Variants in CADM1 observed in about 807,000 individuals in gnomAD.
CADM1 encodes the protein TSLC-1.
In CADM1, 15 loss-of-function variants were observed where a neutral mutation model predicts 53.1. That is an observed-to-expected ratio of 0.28 (90% confidence interval 0.19 to 0.44). CADM1 has a LOEUF of 0.44. Ranked by LOEUF, CADM1 falls within the 20% of genes least tolerant of loss-of-function variation. CADM1 has a pLI of 1.00. For synonymous variants in CADM1, 281 were observed against 243.0 expected, an observed-to-expected ratio of 1.16 and a Z score of -1.45; for missense variants, 434 against 611.3, an observed-to-expected ratio of 0.71 and a Z score of 3.06.
At chr11:115,400,661 GTATATATATATATATATATATA>G (rs372594262) in intron 1 of CADM1, among the ~76,000 whole-genome samples, 2,010 of 46,614 alleles carry the variant, frequency 0.043, 113 homozygotes, top group African/African-American at 0.14. Context: ...GTGTGTGTGT[GTATATATATATATATATATATA>G]TATATATATA....
intron 1 of CADM1, among the ~76,000 whole-genome samples, chr11:115,264,100 A>G (rs1306004985): frequency 1.3e-5 from 2 of 152,084 alleles, no homozygotes; most frequent in Non-Finnish European, 2.9e-5. Flanking sequence ...TTTAAATACT[A>G]CTCAATTAGG....
intron 1 of CADM1, among the ~76,000 whole-genome samples, chr11:115,365,751 T>C (rs1465086978): frequency 2.0e-5 from 3 of 152,056 alleles, no homozygotes; most frequent in Non-Finnish European, 2.9e-5. Flanking sequence ...AAAAAAAAAA[T>C]TCTTTGTTTA....
rs146997542 is a variant in CADM1, at chr11:115,333,244, C to T, written c.125-92824G>A. 4.6e-3 allele frequency among the ~76,000 whole-genome samples: 703 copies of T among 152,204 alleles called. 14 individuals are homozygous for T. The highest frequency in any genetic ancestry group is 0.011 in the South Asian group (52 of 4,818). On this transcript the variant is annotated intron_variant, in intron 1 of 11. Transcript: ENST00000331581. The stretch of plus-strand genomic sequence containing the variant: ...CCACCAGGGCAATCTCTCTAAAGGA[C>T]GATCTGATCAGATCACTTCCTCACT...
chr11:115,474,432 A>T (rs921635221), intron 1 of CADM1, among the ~76,000 whole-genome samples: 1 of 152,014 alleles, frequency 6.6e-6, no homozygotes, highest in Non-Finnish European at 1.5e-5. Context: ...ACAATAGCAA[A>T]GACTTGGAAC....
chr11:115,267,224 G>A (rs140838144), intron 1 of CADM1, among the ~76,000 whole-genome samples: 2 of 152,356 alleles, frequency 1.3e-5, no homozygotes, highest in East Asian at 3.9e-4. Flanking sequence ...GAGGGCAAAT[G>A]TAGGAGGTAC....
chr11:115,200,364 T>C (rs1233093797), intron 8 of CADM1, among the ~76,000 whole-genome samples: 2 of 152,242 alleles, frequency 1.3e-5, no homozygotes, highest in Non-Finnish European at 2.9e-5. Context: ...CAAATGCCCA[T>C]TTGTACAGAA....
intron 1 of CADM1, among the ~76,000 whole-genome samples, chr11:115,247,599 A>C (rs1942448017): frequency 6.6e-6 from 1 of 152,238 alleles, no homozygotes; most frequent in Non-Finnish European, 1.5e-5. Flanking sequence ...TGAAGGGAGA[A>C]TAGCCAAGAA....
At chr11:115,369,606 G>C (rs1946262315) in intron 1 of CADM1, among the ~76,000 whole-genome samples, 1 of 152,226 alleles carries the variant, frequency 6.6e-6, no homozygotes, top group East Asian at 1.9e-4. Context: ...ATAAAATTCT[G>C]AACAAATTTA....
chr11:115,403,400 A>G lies in CADM1; in HGVS notation c.124+100871T>C, dbSNP rs910312493. Reference sequence around the variant, plus strand: ...CAAAAGGTTGTTAGTGAGAACAACTAAGAAAATTTGAATAAAGTCTGGAGA... The same window carrying G: ...CAAAAGGTTGTTAGTGAGAACAACTGAGAAAATTTGAATAAAGTCTGGAGA... On this transcript the variant is annotated intron_variant, in intron 1 of 11. Transcript: ENST00000331581. 5.3e-5 allele frequency among the ~76,000 whole-genome samples: 8 copies of G among 152,228 alleles called. No individual in the cohort carries two copies. In the East Asian group the frequency reaches 1.5e-3, roughly 29 times the overall value.
chr11:115,442,972 A>G (rs1009476714), intron 1 of CADM1, among the ~76,000 whole-genome samples: 5 of 152,236 alleles, frequency 3.3e-5, no homozygotes, highest in Non-Finnish European at 2.9e-5. Context: ...CAGTTTTATA[A>G]GTAGATACAA....
intron 1 of CADM1, among the ~76,000 whole-genome samples, chr11:115,343,775 A>C (rs1275285894): frequency 6.6e-6 from 1 of 151,838 alleles, no homozygotes; most frequent in Non-Finnish European, 1.5e-5. Flanking sequence ...AATGAAAATC[A>C]CAAGACCTGA....
intron 1 of CADM1, among the ~76,000 whole-genome samples, chr11:115,416,709 A>ACG (rs1383600015): frequency 2.0e-5 from 3 of 150,636 alleles, no homozygotes; most frequent in African/African-American, 7.3e-5. Context: ...ACACACACAC[A>ACG]CACACACACA....
chr11:115,450,333 T>G (rs1012158525), intron 1 of CADM1, among the ~76,000 whole-genome samples: 4 of 152,138 alleles, frequency 2.6e-5, no homozygotes, highest in East Asian at 1.9e-4. Flanking sequence ...CACTCCTACT[T>G]ATCTTTCTAC....
At chr11:115,462,353 A>G (rs1948814818) in intron 1 of CADM1, among the ~76,000 whole-genome samples, 1 of 152,200 alleles carries the variant, frequency 6.6e-6, no homozygotes, top group African/African-American at 2.4e-5. Context: ...ACCGCCTTGC[A>G]TATCACCTGC....
At chr11:115,270,411 C>G (rs1276628185) in intron 1 of CADM1, among the ~76,000 whole-genome samples, 1 of 152,152 alleles carries the variant, frequency 6.6e-6, no homozygotes, top group Non-Finnish European at 1.5e-5. Context: ...TGGTAACAGA[C>G]CATTGCTGAT....
At chr11:115,322,452 C>T (rs1477407328) in intron 1 of CADM1, among the ~76,000 whole-genome samples, 1 of 152,128 alleles carries the variant, frequency 6.6e-6, no homozygotes, top group Admixed American at 6.5e-5. Context: ...TTATAGTGTA[C>T]AGTTCAATGA....
At chr11:115,412,214 A>G (rs1947475463) in intron 1 of CADM1, among the ~76,000 whole-genome samples, 1 of 152,100 alleles carries the variant, frequency 6.6e-6, no homozygotes, top group Admixed American at 6.5e-5. Flanking sequence ...TGCTTTTGAG[A>G]ACAGAATTTC....
chr11:115,175,898 A>G lies in CADM1; in HGVS notation c.*576T>C. The G allele has an allele frequency of 2.0e-6, 2 of 995,998 alleles. No individual in the cohort carries two copies. The highest frequency in any genetic ancestry group is 2.4e-6 in the Non-Finnish European group (2 of 836,034). 61.7% of individuals were successfully genotyped at this position (995,998 alleles called of 1,614,324 possible). ...CACCCAAATCTTTACGACAACAGAGAAGAATGCATTATGGATACACTAAAT... is the reference window on the plus strand; with the variant it reads ...CACCCAAATCTTTACGACAACAGAGGAGAATGCATTATGGATACACTAAAT... On this transcript the variant is annotated 3_prime_UTR_variant, in exon 12 of 12. Coordinates refer to ENST00000331581, the MANE Select transcript of CADM1 (RefSeq NM_001301043.2).
intron 1 of CADM1, among the ~76,000 whole-genome samples, chr11:115,258,040 T>A (rs1432514564): frequency 6.6e-6 from 1 of 152,216 alleles, no homozygotes; most frequent in African/African-American, 2.4e-5. Context: ...GCCTATTTTA[T>A]AGATGAGGAA....
Sources: allele counts gnomAD v4.1 joint callset (sites outside exome capture counted in the v4.1 genomes callset), GRCh38; gene constraint gnomAD v4.1.1; transcripts MANE v1.5; gene names NCBI Gene and HGNC (gene_info 2026-07-23, HGNC 2026-07-21).